KCNH8: variants seen among roughly 807,000 people sequenced by gnomAD.
KCNH8 encodes voltage-gated delayed rectifier potassium channel KCNH8.
KCNH8 carries 70 observed loss-of-function variants against 103.6 expected under a neutral mutation model. The ratio of observed to expected loss-of-function variants is 0.68; its 90% CI spans 0.56 to 0.82. The LOEUF (loss-of-function observed/expected upper bound fraction) is 0.82. Among genes scored for constraint, KCNH8 ranks in the 40% least tolerant of loss-of-function variants. KCNH8 has a pLI of 0.00. For synonymous variants in KCNH8, 498 were observed against 489.4 expected, an observed-to-expected ratio of 1.02 and a Z score of -0.23; for missense variants, 1,217 against 1,329.9, an observed-to-expected ratio of 0.92 and a Z score of 1.32.
rs549257992 is a variant in KCNH8 at position 19,236,169 on chromosome 3, G to A, written c.77-17485G>A. 2.0e-5 allele frequency among the ~76,000 whole-genome samples: 3 copies of A among 152,280 alleles called. No individual in the cohort carries two copies. The South Asian group carries it at 6.2e-4, about 32-fold the overall frequency. On this transcript the variant is annotated intron_variant, in intron 1 of 15. Coordinates refer to ENST00000328405, the MANE Select transcript of KCNH8 (RefSeq NM_144633.3). Reference sequence around the variant, plus strand: ...TTGCTCCACAGTACCAATAAGCAGTGCAGAATACCAGGGCTGAAAGAAACT... The same window carrying A: ...TTGCTCCACAGTACCAATAAGCAGTACAGAATACCAGGGCTGAAAGAAACT...
chr3:19,507,833 A>C (rs1575157267), intron 11 of KCNH8, among the ~76,000 whole-genome samples: 2 of 152,162 alleles, frequency 1.3e-5, no homozygotes, highest in African/African-American at 4.8e-5. Flanking sequence ...GGGCTGCAAG[A>C]CAGCAAAAAT....
At position 19,463,264 on chromosome 3, in the gene KCNH8, G is replaced by T. The variant is rs375374117; in HGVS notation, c.2040+6282G>T. On this transcript the variant is annotated intron_variant, in intron 11 of 15. Transcript: ENST00000328405. Reference sequence around the variant, plus strand: ...TGTACCTATATAATGATAATTCATTGCAAAAGTTTCAGAGTAGTCCTATGC... The same window carrying T: ...TGTACCTATATAATGATAATTCATTTCAAAAGTTTCAGAGTAGTCCTATGC... Among the ~76,000 whole-genome samples, 68 of 152,176 alleles carry T rather than the reference G, an allele frequency of 4.5e-4. No individual in the cohort carries two copies. In the South Asian group the frequency reaches 0.013, roughly 30 times the overall value.
intron 8 of KCNH8, among the ~76,000 whole-genome samples, chr3:19,439,305 T>A (rs1226052054): frequency 6.6e-6 from 1 of 152,228 alleles, no homozygotes; most frequent in Admixed American, 6.5e-5. Context: ...AGAAATCAAA[T>A]TTTTAAAGCA....
chr3:19,358,584 T>C (rs1394380357), intron 5 of KCNH8, among the ~76,000 whole-genome samples: 1 of 152,000 alleles, frequency 6.6e-6, no homozygotes, highest in Non-Finnish European at 1.5e-5. Flanking sequence ...CAATATTGTT[T>C]CAATGGACTA....
At chr3:19,287,052 A>T (rs2125278279) in intron 3 of KCNH8, among the ~76,000 whole-genome samples, 1 of 152,060 alleles carries the variant, frequency 6.6e-6, no homozygotes, top group Non-Finnish European at 1.5e-5. Context: ...TGATCAAGAG[A>T]GAGTTATGGA....
Position 19,347,982 on chromosome 3 carries a change from G to A in KCNH8, c.811+17G>A, listed in dbSNP as rs2065750662. The stretch of plus-strand genomic sequence containing the variant: ...TTATTATAGGTAAGAACAAACAGCT[G>A]CTTTCCTACGATATTTGCATATGAG... On this transcript the variant is annotated intron_variant, in intron 5 of 15. Transcript: ENST00000328405. 6.2e-7 allele frequency: 1 copy of A among 1,608,168 alleles called. No homozygotes were observed. Among genetic ancestry groups the A allele is most frequent in the South Asian group, 1.1e-5 (1 of 90,584 alleles).
chr3:19,252,679 C>T (rs1486214292), intron 1 of KCNH8, among the ~76,000 whole-genome samples: 2 of 152,116 alleles, frequency 1.3e-5, no homozygotes, highest in Admixed American at 1.3e-4. Flanking sequence ...TGAGCCACCA[C>T]ACCCAGCCTG....
intron 11 of KCNH8, among the ~76,000 whole-genome samples, chr3:19,497,539 A>C (rs1397114042): frequency 6.6e-6 from 1 of 151,976 alleles, no homozygotes; most frequent in Non-Finnish European, 1.5e-5. Context: ...TTTCCATGTA[A>C]CTGTATGGTT....
intron 10 of KCNH8, among the ~76,000 whole-genome samples, chr3:19,455,285 A>C (rs1290850491): frequency 6.6e-6 from 1 of 152,164 alleles, no homozygotes; most frequent in Non-Finnish European, 1.5e-5. Flanking sequence ...TTGTTTTAAA[A>C]GAAAATGGCA....
chr3:19,411,796 CAG>C (rs951986965), intron 7 of KCNH8, among the ~76,000 whole-genome samples: 10 of 151,152 alleles, frequency 6.6e-5, no homozygotes, highest in African/African-American at 2.4e-4. Context: ...CACACACACA[CAG>C]ACTACGAATA....
chr3:19,528,157 TAAG>T (rs2069097984), intron 15 of KCNH8, among the ~76,000 whole-genome samples: 1 of 152,014 alleles, frequency 6.6e-6, no homozygotes, highest in South Asian at 2.1e-4. Context: ...AATAAACAAA[TAAG>T]AATGTATATT....
intron 1 of KCNH8, among the ~76,000 whole-genome samples, chr3:19,153,912 G>A (rs1051895161): frequency 2.8e-4 from 43 of 152,038 alleles, no homozygotes; most frequent in African/African-American, 9.7e-4. Context: ...GATTACAGGC[G>A]TGAGCCACTG....
intron 1 of KCNH8, among the ~76,000 whole-genome samples, chr3:19,251,072 G>C (rs2064270187): frequency 6.6e-6 from 1 of 152,116 alleles, no homozygotes; most frequent in Non-Finnish European, 1.5e-5. Context: ...GAGTTGGGGA[G>C]AGACACACAC....
At chr3:19,360,252 A>C (rs1687438396) in intron 5 of KCNH8, among the ~76,000 whole-genome samples, 1 of 152,092 alleles carries the variant, frequency 6.6e-6, no homozygotes, top group Admixed American at 6.6e-5. Context: ...TATTGTTTGC[A>C]GGAGCAAAAT....
intron 3 of KCNH8, among the ~76,000 whole-genome samples, chr3:19,304,489 T>C (rs1458872008): frequency 1.3e-5 from 2 of 151,998 alleles, no homozygotes; most frequent in Admixed American, 1.3e-4. Context: ...AAATACGATA[T>C]TCATGAAATA....
chr3:19,250,246 C>G (rs1032182778), intron 1 of KCNH8, among the ~76,000 whole-genome samples: 9 of 146,890 alleles, frequency 6.1e-5, no homozygotes, highest in African/African-American at 2.3e-4. Flanking sequence ...GCCTTTCTTT[C>G]AAAAAAAGAA....
At chr3:19,217,906 A>G (rs1261715751) in intron 1 of KCNH8, among the ~76,000 whole-genome samples, 2 of 152,186 alleles carry the variant, frequency 1.3e-5, no homozygotes, top group Non-Finnish European at 2.9e-5. Context: ...TCCCTTTTGC[A>G]TAAGTCCTAC....
intron 3 of KCNH8, among the ~76,000 whole-genome samples, chr3:19,301,064 G>A (rs2065058859): frequency 6.6e-6 from 1 of 151,170 alleles, no homozygotes; most frequent in South Asian, 2.1e-4. Flanking sequence ...CCTGTGGTAT[G>A]AGCAATATTA....
chr3:19,466,649 ATTTTTTTTTT>A (rs869048680), intron 11 of KCNH8, among the ~76,000 whole-genome samples: 6 of 50,608 alleles, frequency 1.2e-4, no homozygotes, highest in Admixed American at 3.1e-4. Context: ...GTAGCAATAC[ATTTTTTTTTT>A]TTTTTTTTTT....
Sources: allele counts gnomAD v4.1 joint callset (sites outside exome capture counted in the v4.1 genomes callset), GRCh38; gene constraint gnomAD v4.1.1; transcripts MANE v1.5; gene names NCBI Gene and HGNC (gene_info 2026-07-23, HGNC 2026-07-21).